Variants in SLAIN2 observed in about 807,000 individuals in gnomAD.
SLAIN2 encodes SLAIN family member 2, also known as SLAIN motif-containing protein 2.
Under a neutral mutation model 56.6 loss-of-function variants are expected in SLAIN2, and 31 were observed. The observed-to-expected ratio is 0.55, with a 90% CI of 0.41 to 0.74. The LOEUF is 0.74. SLAIN2 is among the 30% of genes least tolerant of loss of function. The pLI is 0.00. For synonymous variants in SLAIN2, 317 were observed against 284.9 expected, an observed-to-expected ratio of 1.11 and a Z score of -1.13; for missense variants, 777 against 754.2, an observed-to-expected ratio of 1.03 and a Z score of -0.35.
At chr4:48,346,334 T>C (rs1182364089) in intron 1 of SLAIN2, among the ~76,000 whole-genome samples, 8 of 152,318 alleles carry the variant, frequency 5.3e-5, no homozygotes, top group Non-Finnish European at 1.0e-4. Flanking sequence ...TTCTGTTCTT[T>C]TCCATCATTT....
At chr4:48,351,771 A>C (rs1437558533) in intron 1 of SLAIN2, among the ~76,000 whole-genome samples, 1 of 152,228 alleles carries the variant, frequency 6.6e-6, no homozygotes, top group Non-Finnish European at 1.5e-5. Context: ...ATAAGCTTTC[A>C]AGGTGTTTAG....
At chr4:48,385,932 C>G (rs1560459263) in intron 6 of SLAIN2, among the ~76,000 whole-genome samples, 1 of 151,094 alleles carries the variant, frequency 6.6e-6, no homozygotes, top group Non-Finnish European at 1.5e-5. Flanking sequence ...GACCTCGTCT[C>G]TAAAAAAATG....
chr4:48,367,899 A>C (rs1201914589), intron 1 of SLAIN2, among the ~76,000 whole-genome samples: 2 of 152,088 alleles, frequency 1.3e-5, no homozygotes, highest in Non-Finnish European at 2.9e-5. Context: ...TAGAACATCT[A>C]TATCACCCTA....
intron 6 of SLAIN2, among the ~76,000 whole-genome samples, chr4:48,407,025 T>C (rs1716716563): frequency 6.6e-6 from 1 of 152,106 alleles, no homozygotes; most frequent in Non-Finnish European, 1.5e-5. Flanking sequence ...TCTTTCATTA[T>C]AGAGTAGCAA....
At chr4:48,418,092 C>T (rs1411761447) in intron 6 of SLAIN2, among the ~76,000 whole-genome samples, 1 of 151,130 alleles carries the variant, frequency 6.6e-6, no homozygotes, top group Non-Finnish European at 1.5e-5. Context: ...TCTTCTTCTT[C>T]CTCTTCCTCC....
chr4:48,399,803 A>G (rs972830523), intron 6 of SLAIN2, among the ~76,000 whole-genome samples: 2 of 152,036 alleles, frequency 1.3e-5, no homozygotes, highest in Admixed American at 1.3e-4. Context: ...GATGAATTAC[A>G]TTTATTGATT....
chr4:48,354,031 G>A (rs573658233), intron 1 of SLAIN2, among the ~76,000 whole-genome samples: 1 of 152,190 alleles, frequency 6.6e-6, no homozygotes, highest in Non-Finnish European at 1.5e-5. Flanking sequence ...GCAGTTTAGA[G>A]CTCTGTGACT....
At chr4:48,390,078 CTTTTTCTTTTTTTT>C (rs1716197186) in intron 6 of SLAIN2, among the ~76,000 whole-genome samples, 1 of 131,264 alleles carries the variant, frequency 7.6e-6, no homozygotes. Flanking sequence ...TTCTTTTTTT[CTTTTTCTTTTTTTT>C]TTTTTTCCTG....
intron 6 of SLAIN2, among the ~76,000 whole-genome samples, chr4:48,412,391 C>T (rs1318003207): frequency 1.7e-5 from 2 of 114,994 alleles, no homozygotes; most frequent in East Asian, 4.2e-4. Context: ...CACACACACA[C>T]ACACACACAC....
At chr4:48,355,173 C>A (rs981680564) in intron 1 of SLAIN2, among the ~76,000 whole-genome samples, 2 of 152,196 alleles carry the variant, frequency 1.3e-5, no homozygotes, top group Non-Finnish European at 2.9e-5. Context: ...AGCCACTACA[C>A]CCAGCCAAAA....
At chr4:48,348,999 T>C (rs1233972403) in intron 1 of SLAIN2, among the ~76,000 whole-genome samples, 5 of 152,246 alleles carry the variant, frequency 3.3e-5, no homozygotes, top group Admixed American at 6.5e-5. Flanking sequence ...CAAGAACATT[T>C]ATGCCCTTTG....
chr4:48,402,590 G>A (rs1284876645), intron 6 of SLAIN2, among the ~76,000 whole-genome samples: 1 of 152,130 alleles, frequency 6.6e-6, no homozygotes, highest in African/African-American at 2.4e-5. Flanking sequence ...TTCATGTTGT[G>A]TTTTTCAGCT....
intron 6 of SLAIN2, among the ~76,000 whole-genome samples, chr4:48,397,036 A>G (rs955022041): frequency 1.3e-5 from 2 of 152,178 alleles, no homozygotes; most frequent in African/African-American, 2.4e-5. Flanking sequence ...AATCCAGTCT[A>G]TATTTTTAAG....
At chr4:48,349,063 T>C (rs1387930112) in intron 1 of SLAIN2, among the ~76,000 whole-genome samples, 4 of 152,238 alleles carry the variant, frequency 2.6e-5, no homozygotes, top group Non-Finnish European at 5.9e-5. Flanking sequence ...AAATTTTACT[T>C]ATTCTTCAGG....
chr4:48,380,391 A>G (rs150956419), intron 4 of SLAIN2, among the ~76,000 whole-genome samples: 23 of 152,248 alleles, frequency 1.5e-4, no homozygotes, highest in African/African-American at 3.8e-4. Flanking sequence ...CCTCTTGGGA[A>G]TGAATATCTC....
intron 1 of SLAIN2, among the ~76,000 whole-genome samples, chr4:48,364,908 G>A (rs1301244384): frequency 1.3e-5 from 2 of 149,416 alleles, no homozygotes. Context: ...GAGAGGGAGA[G>A]CTGGTTTTTA....
At chr4:48,342,384 G>T (rs538661654) in intron 1 of SLAIN2, among the ~76,000 whole-genome samples, 2 of 152,236 alleles carry the variant, frequency 1.3e-5, no homozygotes, top group African/African-American at 4.8e-5. Context: ...ATTGGGGTCT[G>T]TGGGTTGGGG....
intron 1 of SLAIN2, among the ~76,000 whole-genome samples, chr4:48,350,854 AT>A (rs773148976): frequency 3.3e-5 from 5 of 152,230 alleles, no homozygotes; most frequent in Non-Finnish European, 7.3e-5. Context: ...AGAGAAAAAA[AT>A]ATTGATTCTA....
intron 1 of SLAIN2, among the ~76,000 whole-genome samples, chr4:48,363,773 G>A (rs571550498): frequency 1.5e-4 from 18 of 124,006 alleles, no homozygotes; most frequent in East Asian, 7.3e-4. Context: ...CCTCCCGGAC[G>A]GGGCGGCTGG....
Sources: gnomAD v4.1 joint callset for allele counts (sites outside exome capture counted in the v4.1 genomes callset) on GRCh38, gnomAD v4.1.1 for gene constraint, MANE v1.5 for transcripts, NCBI Gene and HGNC (gene_info 2026-07-23, HGNC 2026-07-21) for gene names.